Variants in FAM168A observed in about 807,000 individuals in gnomAD.
FAM168A encodes family with sequence similarity 168 member A.
A neutral mutation model predicts 28.5 loss-of-function variants in FAM168A; 3 were observed. The ratio of observed to expected loss-of-function variants is 0.11; its 90% confidence interval spans 0.05 to 0.27. FAM168A has a LOEUF of 0.27. Among genes scored for constraint, FAM168A ranks in the 10% least tolerant of loss-of-function variants. The probability of loss-of-function intolerance (pLI) is 1.00; values close to 1 mark genes in which losing one functional copy is unlikely to be tolerated. For missense variants in FAM168A, 222 were observed against 311.5 expected (o/e 0.71, Z 2.16); for synonymous variants, 122 against 124.2 (o/e 0.98, Z 0.12).
chr11:73,537,797 T>C (rs748116799), intron 1 of FAM168A, among the ~76,000 whole-genome samples: 2 of 152,196 alleles, frequency 1.3e-5, no homozygotes, highest in Non-Finnish European at 2.9e-5. Flanking sequence ...AAGGAAGACA[T>C]GTATCTGCCC....
chr11:73,449,689 C>T (rs1867391596), intron 2 of FAM168A, among the ~76,000 whole-genome samples: 1 of 152,220 alleles, frequency 6.6e-6, no homozygotes, highest in African/African-American at 2.4e-5. Context: ...CCCATCCCCA[C>T]CTATCTTATG....
chr11:73,480,279 C>G (rs750841945), intron 1 of FAM168A, among the ~76,000 whole-genome samples: 10 of 152,292 alleles, frequency 6.6e-5, no homozygotes, highest in Non-Finnish European at 1.3e-4. Flanking sequence ...TTTCAACCAC[C>G]AGAGCATTCA....
chr11:73,441,620 A>G (rs886241948), intron 2 of FAM168A, among the ~76,000 whole-genome samples: 9 of 152,244 alleles, frequency 5.9e-5, no homozygotes, highest in Admixed American at 1.3e-4. Context: ...AATATTTGGT[A>G]GAACTCACCA....
chr11:73,525,750 C>G (rs1470336287), intron 1 of FAM168A, among the ~76,000 whole-genome samples: 1 of 152,220 alleles, frequency 6.6e-6, no homozygotes, highest in African/African-American at 2.4e-5. Context: ...ACCTGCACCT[C>G]TTTTCCATCT....
At chr11:73,540,324 C>A (rs565676325) in intron 1 of FAM168A, among the ~76,000 whole-genome samples, 2 of 152,264 alleles carry the variant, frequency 1.3e-5, no homozygotes, top group African/African-American at 4.8e-5. Context: ...TACATTCTCT[C>A]GTTCAATTCT....
intron 1 of FAM168A, among the ~76,000 whole-genome samples, chr11:73,487,645 T>G (rs1424758254): frequency 1.3e-5 from 2 of 152,196 alleles, no homozygotes; most frequent in Non-Finnish European, 2.9e-5. Flanking sequence ...TCCACTGATC[T>G]TGACATTTCC....
rs118091339 is a variant in FAM168A at position 73,492,355 on chromosome 11, A to C, written c.-18-23863T>G. On this transcript the variant is annotated intron_variant, in intron 1 of 7. Coordinates refer to ENST00000356467, the MANE Select transcript of FAM168A (RefSeq NM_015159.3). ...CAGAGCAAAAGACTTGGTTTAAAAT[A>C]AACAAACTCAGCCTGGCATGGTGGT... Among the ~76,000 whole-genome samples, 54 of 152,366 alleles carry C rather than the reference A, an allele frequency of 3.5e-4. No homozygotes were observed. In the East Asian group the frequency reaches 9.8e-3, roughly 28 times the overall value.
chr11:73,579,362 T>C (rs1184844440), intron 1 of FAM168A, among the ~76,000 whole-genome samples: 1 of 152,224 alleles, frequency 6.6e-6, no homozygotes, highest in Non-Finnish European at 1.5e-5. Context: ...AAATAAGTTA[T>C]AGAAAGATTA....
At chr11:73,518,032 T>C (rs79267524) in intron 1 of FAM168A, among the ~76,000 whole-genome samples, 2,779 of 152,350 alleles carry the variant, frequency 0.018, 67 homozygotes, top group African/African-American at 0.056. Flanking sequence ...TGACACATAC[T>C]AGTACTTGTT....
Position 73,572,551 on chromosome 11 carries a change from G to C in FAM168A, c.-19+25372C>G, listed in dbSNP as rs796470703. The stretch of plus-strand genomic sequence containing the variant: ...TACTAAGAAAAATTCTTCTGCCTTG[G>C]GATCCTGTTGATCTATGACCTTACC... On this transcript the variant is annotated intron_variant, in intron 1 of 7. Transcript: ENST00000356467. Among the ~76,000 whole-genome samples the C allele has an allele frequency of 1.5e-4, 17 of 112,832 alleles. No individual in the cohort carries two copies. In the East Asian group the frequency reaches 4.6e-3, roughly 30 times the overall value. 74.0% of individuals were successfully genotyped at this position (112,832 alleles called of 152,430 possible). A position where few individuals can be genotyped will look rare whatever the true frequency, so the allele number is the denominator to read the frequency against.
chr11:73,430,863 T>C (rs1012321721), intron 2 of FAM168A, 93 bp from the exon 3 acceptor site: 7 of 1,037,174 alleles, frequency 6.7e-6, no homozygotes, highest in South Asian at 4.8e-5. Context: ...TTTGAGGAAA[T>C]AGAATCCAAG....
At chr11:73,492,278 T>C (rs1346656623) in intron 1 of FAM168A, among the ~76,000 whole-genome samples, 3 of 152,130 alleles carry the variant, frequency 2.0e-5, no homozygotes, top group Non-Finnish European at 4.4e-5. Context: ...ATTAATCACT[T>C]AACAACATAA....
At chr11:73,587,690 C>T (rs1026990451) in intron 1 of FAM168A, among the ~76,000 whole-genome samples, 1 of 152,068 alleles carries the variant, frequency 6.6e-6, no homozygotes, top group African/African-American at 2.4e-5. Context: ...AAATCTTAAT[C>T]CTTAATTATA....
intron 1 of FAM168A, among the ~76,000 whole-genome samples, chr11:73,558,336 G>A (rs1943913902): frequency 6.6e-6 from 1 of 151,900 alleles, no homozygotes; most frequent in East Asian, 1.9e-4. Context: ...AAGCATGGTG[G>A]TGCACATCTG....
chr11:73,580,312 C>A (rs1944228234), intron 1 of FAM168A: 1 of 571,024 alleles, frequency 1.8e-6, no homozygotes, highest in Non-Finnish European at 3.5e-6. Context: ...AAGGATGAAC[C>A]ACAGAGAAGA....
Position 73,410,890 on chromosome 11 carries a change from G to C in FAM168A, c.420+504C>G, listed in dbSNP as rs183681590. ...GAAGGAGCCCAGAAAGGCCCATCAG[G>C]CACAGAAAGAGAGGGTAACTTGTCC... On this transcript the variant is annotated intron_variant, in intron 5 of 7. Coordinates refer to ENST00000356467, the MANE Select transcript of FAM168A (RefSeq NM_015159.3). Among the ~76,000 whole-genome samples the C allele has an allele frequency of 4.0e-4, 61 of 152,280 alleles. 1 individual carries two copies. The highest frequency in any genetic ancestry group is 1.4e-3 in the African/African-American group (60 of 41,548).
chr11:73,579,446 T>C (rs1944218128), intron 1 of FAM168A, among the ~76,000 whole-genome samples: 1 of 152,172 alleles, frequency 6.6e-6, no homozygotes, highest in African/African-American at 2.4e-5. Context: ...AAAGATTAAG[T>C]AACTTTGAAG....
chr11:73,583,078 G>A (rs769845444), intron 1 of FAM168A, among the ~76,000 whole-genome samples: 1 of 152,192 alleles, frequency 6.6e-6, no homozygotes, highest in East Asian at 1.9e-4. Flanking sequence ...GCCAAGGCAG[G>A]CGGATCACGA....
chr11:73,434,895 G>A (rs898815737), intron 2 of FAM168A, among the ~76,000 whole-genome samples: 5 of 152,172 alleles, frequency 3.3e-5, no homozygotes, highest in Non-Finnish European at 7.4e-5. Context: ...TTGAAGAGAC[G>A]TGACATCCCA....
Sources: gnomAD v4.1 joint callset for allele counts (sites outside exome capture counted in the v4.1 genomes callset) on GRCh38, gnomAD v4.1.1 for gene constraint, MANE v1.5 for transcripts, NCBI Gene and HGNC (gene_info 2026-07-23, HGNC 2026-07-21) for gene names.